Variants in ADCY8 observed in about 807,000 individuals in gnomAD.
ADCY8 encodes adenylate cyclase type 8.
ADCY8 carries 51 observed loss-of-function variants against 119.7 expected under a neutral mutation model. The observed-to-expected ratio is 0.43, with a 90% CI of 0.34 to 0.54. The LOEUF (loss-of-function observed/expected upper bound fraction) is 0.54, where lower values mean the gene tolerates loss of function less well. Ranked by LOEUF, ADCY8 falls within the 20% of genes least tolerant of loss-of-function variation. The probability of loss-of-function intolerance (pLI) is 0.03; values close to 1 mark genes in which losing one functional copy is unlikely to be tolerated. For missense variants in ADCY8, 1,383 were observed against 1,598.8 expected, an observed-to-expected ratio of 0.87 and a Z score of 2.30; for synonymous variants, 665 against 651.0, an observed-to-expected ratio of 1.02 and a Z score of -0.33.
At chr8:130,894,042 G>A (rs1819299398) in intron 7 of ADCY8, among the ~76,000 whole-genome samples, 1 of 152,086 alleles carries the variant, frequency 6.6e-6, no homozygotes, top group African/African-American at 2.4e-5. Flanking sequence ...CTGATAAATT[G>A]CTCATGTTTG....
At chr8:130,787,388 C>T (rs1449724436) in intron 15 of ADCY8, among the ~76,000 whole-genome samples, 1 of 152,130 alleles carries the variant, frequency 6.6e-6, no homozygotes, top group Non-Finnish European at 1.5e-5. Flanking sequence ...GGCGTTCCTG[C>T]AAATTAGCTT....
At position 130,884,644 on chromosome 8, in the gene ADCY8, AGTCGATGGTAT is replaced by A; in HGVS notation, c.2018_2028del (p.His673LeufsTer6). 6.2e-7 allele frequency: 1 copy of A among 1,613,926 alleles called. No homozygotes were observed. The highest frequency in any genetic ancestry group is 8.5e-7 in the Non-Finnish European group (1 of 1,179,858). ...CTTCTCAATTTATCGCCACTCCGCAAGTCGATGGTATGTTCTATTCTCTTGTTAATTTCCTC... is the reference window on the plus strand; with the variant it reads ...CTTCTCAATTTATCGCCACTCCGCAAGTTCTATTCTCTTGTTAATTTCCTC... On this transcript the variant is annotated frameshift_variant, in exon 8 of 18. Transcript: ENST00000286355. LOFTEE classifies it high-confidence loss of function.
chr8:130,960,962 A>G (rs552002090), intron 2 of ADCY8, among the ~76,000 whole-genome samples: 6 of 152,112 alleles, frequency 3.9e-5, no homozygotes, highest in African/African-American at 9.6e-5. Flanking sequence ...CCGAATTTAA[A>G]CCCTGCTGTT....
chr8:130,847,544 A>G (rs368710243), intron 10 of ADCY8, 31 bp from the exon 11 acceptor site: 290 of 1,514,160 alleles, frequency 1.9e-4, no homozygotes, highest in Non-Finnish European at 2.5e-4. Context: ...AAAAAGAACA[A>G]CAAAAACAAA....
chr8:131,033,850 C>T (rs1824067926), intron 1 of ADCY8, among the ~76,000 whole-genome samples: 1 of 151,618 alleles, frequency 6.6e-6, no homozygotes, highest in African/African-American at 2.4e-5. Context: ...CTCTGGGTAT[C>T]TTTTACAAGT....
At chr8:130,815,100 G>A (rs982122205) in intron 13 of ADCY8, among the ~76,000 whole-genome samples, 2 of 152,056 alleles carry the variant, frequency 1.3e-5, no homozygotes, top group Non-Finnish European at 1.5e-5. Context: ...GAGAACACTC[G>A]CTCTTTCTCT....
At chr8:130,851,612 A>C (rs938522173) in intron 9 of ADCY8, among the ~76,000 whole-genome samples, 19 of 152,314 alleles carry the variant, frequency 1.2e-4, no homozygotes, top group African/African-American at 4.3e-4. Context: ...ACGTGTTCAG[A>C]AGAGTTAAAT....
intron 14 of ADCY8, among the ~76,000 whole-genome samples, chr8:130,804,816 T>C (rs1429404248): frequency 2.0e-5 from 3 of 152,160 alleles, no homozygotes; most frequent in Non-Finnish European, 4.4e-5. Context: ...GCAGGATCTA[T>C]GCTCACTGCA....
At position 130,909,714 on chromosome 8, in the gene ADCY8, A is replaced by G; in HGVS notation, c.1634T>C (p.Ile545Thr). The change falls in exon 6 of 18, where the codon ATC becomes ACC. Residue 545 changes from isoleucine (I) to threonine (T), a missense_variant. By Grantham distance (89) the Ile-to-Thr change is moderately conservative. Coordinates refer to ENST00000286355, the MANE Select transcript of ADCY8 (RefSeq NM_001115.3). ...DIANKLESGG[I>T]PGRIHISKAT... is the part of the protein sequence containing the mutation. ...GGGCTTTGCTTTATCTTACCCAGGG[A>G]TTCCTCCAGATTCGAGTTTGTTTGC... is the stretch of plus-strand genomic sequence containing the variant. The G allele has an allele frequency of 6.2e-7, 1 of 1,614,110 alleles. No homozygotes were observed. The highest frequency in any genetic ancestry group is 1.3e-5 in the African/African-American group (1 of 75,044).
At chr8:131,010,237 T>C (rs1025291111) in intron 1 of ADCY8, among the ~76,000 whole-genome samples, 1 of 152,218 alleles carries the variant, frequency 6.6e-6, no homozygotes, top group African/African-American at 2.4e-5. Context: ...GCTAGAGATG[T>C]CACCACCAAA....
intron 2 of ADCY8, among the ~76,000 whole-genome samples, chr8:130,956,743 C>T (rs568871492): frequency 6.6e-6 from 1 of 152,274 alleles, no homozygotes; most frequent in African/African-American, 2.4e-5. Context: ...GTAGTTTCTT[C>T]CTTACTGTTC....
At position 130,954,927 on chromosome 8, in the gene ADCY8, C is replaced by T. The variant is rs149325114; in HGVS notation, c.1111-2929G>A. Among the ~76,000 whole-genome samples the T allele has an allele frequency of 5.5e-4, 84 of 152,248 alleles. 2 individuals are homozygous for T. The Middle Eastern group carries it at 0.017, about 31-fold the overall frequency. ...AACAAAGCCTCCGAGGAGGAAAGAA[C>T]CATTGTTCATTAAGGAAGATGAGGG... On this transcript the variant is annotated intron_variant, in intron 2 of 17. Coordinates refer to ENST00000286355, the MANE Select transcript of ADCY8 (RefSeq NM_001115.3).
chr8:130,880,948 A>T (rs1474919476), intron 8 of ADCY8, among the ~76,000 whole-genome samples: 2 of 152,220 alleles, frequency 1.3e-5, no homozygotes, highest in Non-Finnish European at 2.9e-5. Flanking sequence ...GAATCCAAGG[A>T]CTAGAGAAGG....
intron 15 of ADCY8, among the ~76,000 whole-genome samples, chr8:130,793,019 C>T (rs1815471046): frequency 6.6e-6 from 1 of 152,182 alleles, no homozygotes; most frequent in Admixed American, 6.5e-5. Context: ...AAGTCTTTCC[C>T]TGTCTAAATA....
At chr8:130,998,147 C>A (rs1822837359) in intron 1 of ADCY8, among the ~76,000 whole-genome samples, 1 of 152,038 alleles carries the variant, frequency 6.6e-6, no homozygotes, top group Non-Finnish European at 1.5e-5. Flanking sequence ...ACAAGCAAGC[C>A]AAGGAATATT....
At chr8:130,842,294 C>G (rs1242007475) in intron 11 of ADCY8, among the ~76,000 whole-genome samples, 2 of 152,080 alleles carry the variant, frequency 1.3e-5, no homozygotes, top group East Asian at 1.9e-4. Context: ...GGTTTTGAAC[C>G]TGTGGATGTA....
At chr8:130,875,572 A>G (rs1818530566) in intron 8 of ADCY8, among the ~76,000 whole-genome samples, 1 of 152,234 alleles carries the variant, frequency 6.6e-6, no homozygotes. Flanking sequence ...TCCAGAGTCC[A>G]ACATCATAAC....
chr8:130,857,440 G>C (rs900153492), intron 9 of ADCY8, among the ~76,000 whole-genome samples: 1 of 151,908 alleles, frequency 6.6e-6, no homozygotes, highest in Non-Finnish European at 1.5e-5. Context: ...TCTGTAACTT[G>C]TCTCTTTATC....
intron 2 of ADCY8, among the ~76,000 whole-genome samples, chr8:130,962,441 T>A (rs1042655020): frequency 2.6e-5 from 4 of 152,336 alleles, no homozygotes; most frequent in African/African-American, 9.6e-5. Flanking sequence ...ATTCTGCACA[T>A]CTTTTTCTCC....
Sources: gnomAD v4.1 joint callset for allele counts (sites outside exome capture counted in the v4.1 genomes callset) on GRCh38, gnomAD v4.1.1 for gene constraint, MANE v1.5 for transcripts, NCBI Gene and HGNC (gene_info 2026-07-23, HGNC 2026-07-21) for gene names.